MARCHF3: variants seen among roughly 807,000 people sequenced by gnomAD.
The protein encoded by MARCHF3 is membrane associated ring-CH-type finger 3.
In MARCHF3, 13 loss-of-function variants were observed where a neutral mutation model predicts 24.2. The ratio of observed to expected loss-of-function variants is 0.54; its 90% CI spans 0.35 to 0.85. MARCHF3 has a LOEUF of 0.85. Ranked by LOEUF, MARCHF3 falls within the 40% of genes least tolerant of loss-of-function variation. The pLI is 0.01. For synonymous variants in MARCHF3, 144 were observed against 137.3 expected, an observed-to-expected ratio of 1.05 and a Z score of -0.34; for missense variants, 276 against 325.0, an observed-to-expected ratio of 0.85 and a Z score of 1.16.
intron 3 of MARCHF3, chr5:126,898,741 T>A: frequency 1.9e-6 from 1 of 517,020 alleles, no homozygotes; most frequent in Non-Finnish European, 2.5e-6. Context: ...CGTGCCAGCA[T>A]TTCATATAAG....
chr5:126,982,362 T>G (rs1751421912), intron 1 of MARCHF3, among the ~76,000 whole-genome samples: 1 of 152,184 alleles, frequency 6.6e-6, no homozygotes, highest in African/African-American at 2.4e-5. Flanking sequence ...TGGCTCTGTC[T>G]TGATGGCAGG....
chr5:126,945,765 G>A lies in MARCHF3; in HGVS notation c.-56-27538C>T, dbSNP rs546828102. On this transcript the variant is annotated intron_variant, in intron 1 of 4. Transcript: ENST00000308660. ...GGCTCTTTCAGCTGGGTGACAGCAG[G>A]TGCACTTCTTACCTCAGCTGAACCT... Among the ~76,000 whole-genome samples, 4 of 152,266 alleles carry A rather than the reference G, an allele frequency of 2.6e-5. No homozygotes were observed. The East Asian group carries it at 7.7e-4, about 29-fold the overall frequency.
At chr5:126,976,210 A>G (rs139503083) in intron 1 of MARCHF3, among the ~76,000 whole-genome samples, 2 of 152,298 alleles carry the variant, frequency 1.3e-5, no homozygotes, top group African/African-American at 4.8e-5. Flanking sequence ...TATGTCCTCT[A>G]TGGGACACAC....
intron 1 of MARCHF3, among the ~76,000 whole-genome samples, chr5:126,936,979 C>A (rs78045561): frequency 1.3e-5 from 2 of 152,224 alleles, no homozygotes; most frequent in Admixed American, 6.5e-5. Flanking sequence ...CTCTTTGCCA[C>A]GCTGCAGACT....
intron 1 of MARCHF3, among the ~76,000 whole-genome samples, chr5:126,944,664 C>T (rs1749949379): frequency 6.6e-6 from 1 of 152,166 alleles, no homozygotes; most frequent in Non-Finnish European, 1.5e-5. Flanking sequence ...ACATGGGAAG[C>T]CACCTTGAAG....
chr5:126,958,763 C>A (rs80169609), intron 1 of MARCHF3, among the ~76,000 whole-genome samples: 3,103 of 152,122 alleles, frequency 0.02, 75 homozygotes, highest in South Asian at 0.12. Flanking sequence ...TGACAACGGC[C>A]ATTTGACTGA....
At chr5:126,919,915 T>TG (rs1455441211) in intron 1 of MARCHF3, among the ~76,000 whole-genome samples, 1 of 152,200 alleles carries the variant, frequency 6.6e-6, no homozygotes, top group Non-Finnish European at 1.5e-5. Context: ...AGACCTGATG[T>TG]GGGGGCACAG....
chr5:126,946,331 C>T (rs1441386485), intron 1 of MARCHF3: 1 of 135,444 alleles, frequency 7.4e-6, no homozygotes, highest in Non-Finnish European at 1.5e-5. Context: ...GTGATCGTGT[C>T]ACTGTACTCC....
intron 1 of MARCHF3, among the ~76,000 whole-genome samples, chr5:127,023,660 G>A (rs958170225): frequency 6.6e-6 from 1 of 151,918 alleles, no homozygotes; most frequent in Admixed American, 6.6e-5. Context: ...TGAACCAGGA[G>A]GTGGAGGTTG....
chr5:126,898,711 C>G (rs1025261140), intron 3 of MARCHF3, among the ~76,000 whole-genome samples: 1 of 152,044 alleles, frequency 6.6e-6, no homozygotes, highest in Admixed American at 6.6e-5. Flanking sequence ...TTCTATTTTA[C>G]AACTTTTCTG....
intron 1 of MARCHF3, among the ~76,000 whole-genome samples, chr5:127,027,225 A>G (rs1012662507): frequency 2.6e-5 from 4 of 152,188 alleles, no homozygotes; most frequent in African/African-American, 9.7e-5. Flanking sequence ...TACCCAATTA[A>G]TTGGGCAGCT....
chr5:126,903,410 G>A (rs930022264), intron 3 of MARCHF3, among the ~76,000 whole-genome samples: 7 of 152,028 alleles, frequency 4.6e-5, no homozygotes, highest in Non-Finnish European at 8.8e-5. Flanking sequence ...ACTAGGCTGC[G>A]TTCATGGGTT....
intron 1 of MARCHF3, among the ~76,000 whole-genome samples, chr5:127,018,984 A>G (rs964815621): frequency 6.6e-6 from 1 of 152,248 alleles, no homozygotes; most frequent in African/African-American, 2.4e-5. Flanking sequence ...TTAATAAAAA[A>G]TTTTATATTC....
At chr5:126,960,298 T>C (rs1750596118) in intron 1 of MARCHF3, among the ~76,000 whole-genome samples, 1 of 152,164 alleles carries the variant, frequency 6.6e-6, no homozygotes, top group South Asian at 2.1e-4. Flanking sequence ...TGACACATGA[T>C]TTACTAATTT....
At chr5:126,939,762 G>T (rs1428627591) in intron 1 of MARCHF3, among the ~76,000 whole-genome samples, 1 of 152,148 alleles carries the variant, frequency 6.6e-6, no homozygotes. Context: ...GCAGGATTAG[G>T]TTCCTGTGGA....
chr5:126,919,949 A>G (rs1347763192), intron 1 of MARCHF3, among the ~76,000 whole-genome samples: 1 of 152,180 alleles, frequency 6.6e-6, no homozygotes, highest in East Asian at 1.9e-4. Flanking sequence ...CACTCATGCC[A>G]TTTTCAAGAC....
chr5:126,899,358 G>A, intron 3 of MARCHF3: 1 of 956,654 alleles, frequency 1.0e-6, no homozygotes, highest in African/African-American at 1.8e-5. Flanking sequence ...GCAAAATAAG[G>A]TTTACCAATC....
At chr5:126,944,432 T>C (rs1436680799) in intron 1 of MARCHF3, among the ~76,000 whole-genome samples, 1 of 152,068 alleles carries the variant, frequency 6.6e-6, no homozygotes, top group Middle Eastern at 3.2e-3. Flanking sequence ...AAACCATCTC[T>C]ACCAAAAAAT....
chr5:126,886,954 T>C (rs1268245250), intron 3 of MARCHF3, among the ~76,000 whole-genome samples: 1 of 152,204 alleles, frequency 6.6e-6, no homozygotes, highest in Non-Finnish European at 1.5e-5. Context: ...TTGAGTATGT[T>C]TGCACTGCTC....
Sources: allele counts gnomAD v4.1 joint callset (sites outside exome capture counted in the v4.1 genomes callset), GRCh38; gene constraint gnomAD v4.1.1; transcripts MANE v1.5; gene names NCBI Gene and HGNC (gene_info 2026-07-23, HGNC 2026-07-21).